Variants in RPS6KA2 observed in about 807,000 individuals in gnomAD.
RPS6KA2 encodes ribosomal protein S6 kinase alpha-2.
A neutral mutation model predicts 91.8 loss-of-function variants in RPS6KA2; 42 were observed. The ratio of observed to expected loss-of-function variants is 0.46; its 90% CI spans 0.36 to 0.59. RPS6KA2 has a LOEUF of 0.59. RPS6KA2 is among the 20% of genes least tolerant of loss of function. RPS6KA2 has a pLI of 0.00. For missense variants in RPS6KA2, 798 were observed against 978.5 expected, an observed-to-expected ratio of 0.82 and a Z score of 2.46; for synonymous variants, 414 against 393.6, an observed-to-expected ratio of 1.05 and a Z score of -0.61.
rs371580177 is a variant in RPS6KA2, at chr6:166,852,712, C to T, written c.123+5488G>A. Among the ~76,000 whole-genome samples the T allele has an allele frequency of 2.0e-5, 3 of 152,226 alleles. No individual in the cohort carries two copies. Among genetic ancestry groups the T allele is most frequent in the Admixed American group, 6.5e-5 (1 of 15,302 alleles). Reference sequence around the variant, plus strand: ...GGCATTGGAGGAGGCCACGCTGACACGCTCAGGAGCTCATCCCTGAGCGCC... The same window carrying T: ...GGCATTGGAGGAGGCCACGCTGACATGCTCAGGAGCTCATCCCTGAGCGCC... On this transcript the variant is annotated intron_variant, in intron 2 of 21. Coordinates refer to the RPS6KA2 transcript ENST00000503859. The surrounding 1 kb of genome is among the most constrained non-coding windows in gnomAD (Gnocchi z 4.1).
intron 15 of RPS6KA2, 30 bp downstream of exon 15, chr6:166,432,371 T>G: frequency 6.3e-6 from 9 of 1,420,826 alleles, no homozygotes; most frequent in Non-Finnish European, 8.9e-6. Flanking sequence ...CAGAAGGAAG[T>G]GGAGATGCTG....
chr6:166,824,223 A>G (rs1226584925), intron 2 of RPS6KA2, among the ~76,000 whole-genome samples: 1 of 152,212 alleles, frequency 6.6e-6, no homozygotes, highest in Non-Finnish European at 1.5e-5. Flanking sequence ...ATAGCAAATG[A>G]ATGAATGAAG....
chr6:166,577,905 T>C (rs992033067), intron 1 of RPS6KA2, among the ~76,000 whole-genome samples: 5 of 152,194 alleles, frequency 3.3e-5, no homozygotes, highest in African/African-American at 1.2e-4. Context: ...AGGGACCTGA[T>C]GGGAGATAAT....
chr6:166,644,301 T>C (rs1787537639), intron 2 of RPS6KA2, among the ~76,000 whole-genome samples: 1 of 152,144 alleles, frequency 6.6e-6, no homozygotes, highest in African/African-American at 2.4e-5. Flanking sequence ...AGATGTTATA[T>C]TCACAATGGT....
At chr6:166,674,103 A>G (rs1223433308) in intron 2 of RPS6KA2, among the ~76,000 whole-genome samples, 1 of 152,196 alleles carries the variant, frequency 6.6e-6, no homozygotes, top group African/African-American at 2.4e-5. Flanking sequence ...GTGTACTGGT[A>G]CTCTTAGAGC....
chr6:166,771,039 T>A, intron 2 of RPS6KA2: 2 of 695,554 alleles, frequency 2.9e-6, no homozygotes, highest in Non-Finnish European at 4.6e-6. Flanking sequence ...TTCTAAACAT[T>A]AATCTCCACA....
intron 2 of RPS6KA2, among the ~76,000 whole-genome samples, chr6:166,725,030 T>C (rs567741641): frequency 1.3e-5 from 2 of 152,276 alleles, no homozygotes; most frequent in East Asian, 3.9e-4. Flanking sequence ...CACCTCATCT[T>C]CCACTGTTCT....
intron 14 of RPS6KA2, among the ~76,000 whole-genome samples, chr6:166,442,209 T>A (rs1779540432): frequency 1.3e-5 from 2 of 152,244 alleles, no homozygotes; most frequent in African/African-American, 4.8e-5. Flanking sequence ...AGCCCAGCCT[T>A]ACTGCCCAGC....
At chr6:166,527,642 A>G (rs967276138) in intron 3 of RPS6KA2, among the ~76,000 whole-genome samples, 3 of 152,198 alleles carry the variant, frequency 2.0e-5, no homozygotes, top group East Asian at 3.8e-4. Context: ...AGAGTTGTGT[A>G]CCATCGGTGG....
chr6:166,448,950 G>A lies in RPS6KA2; in HGVS notation c.1207-101C>T. The stretch of plus-strand genomic sequence containing the variant: ...TGTGGGGCGAAGAGAGGCACCGACT[G>A]TGAACTGAGTGTGTGGAGGCCTGGG... On this transcript the variant is annotated intron_variant, in intron 13 of 20. Coordinates refer to ENST00000265678, the MANE Select transcript of RPS6KA2 (RefSeq NM_021135.6). This position sits in a 1 kb window ranked among gnomAD's most constrained non-coding sequence, Gnocchi z 4.7. 4 of 1,410,098 alleles carry A rather than the reference G, an allele frequency of 2.8e-6. No individual in the cohort carries two copies. In the South Asian group the frequency reaches 3.9e-5, roughly 14 times the overall value. The allele number at this position is 1,410,098 out of a possible 1,614,324, so 87.3% of individuals were successfully genotyped here. A position where few individuals can be genotyped will look rare whatever the true frequency, so the allele number is the denominator to read the frequency against.
At chr6:166,810,709 A>G (rs1203146350) in intron 2 of RPS6KA2, among the ~76,000 whole-genome samples, 1 of 152,224 alleles carries the variant, frequency 6.6e-6, no homozygotes, top group Non-Finnish European at 1.5e-5. Context: ...GGAAAACTTC[A>G]TGGGATCTCC....
chr6:166,688,754 C>G (rs4710080), intron 2 of RPS6KA2, among the ~76,000 whole-genome samples: 1 of 152,134 alleles, frequency 6.6e-6, no homozygotes, highest in Admixed American at 6.5e-5. Context: ...CAACAGAAAC[C>G]CCGCATGGGG....
chr6:166,685,870 A>G lies in RPS6KA2; in HGVS notation c.124-147086T>C, dbSNP rs548015922. 3.9e-5 allele frequency among the ~76,000 whole-genome samples: 6 copies of G among 152,160 alleles called. No homozygotes were observed. In the South Asian group the frequency reaches 1.2e-3, roughly 32 times the overall value. ...CCTCTATCTCCATGGTATCTACATC[A>G]CTGCTTTTAACTCCTACCATCGAGT... On this transcript the variant is annotated intron_variant, in intron 2 of 21. Coordinates refer to the RPS6KA2 transcript ENST00000503859.
chr6:166,559,790 A>C (rs1784286033), intron 1 of RPS6KA2, among the ~76,000 whole-genome samples: 1 of 152,250 alleles, frequency 6.6e-6, no homozygotes. Flanking sequence ...TGTACAGAAA[A>C]GTCTAGGCAA....
chr6:166,676,046 T>A (rs1183323486), intron 2 of RPS6KA2, among the ~76,000 whole-genome samples: 1 of 151,894 alleles, frequency 6.6e-6, no homozygotes, highest in Non-Finnish European at 1.5e-5. Flanking sequence ...CCGGGTGCGG[T>A]GGCTCATACC....
chr6:166,663,647 T>C (rs550771668), intron 2 of RPS6KA2, among the ~76,000 whole-genome samples: 10 of 152,236 alleles, frequency 6.6e-5, no homozygotes, highest in African/African-American at 2.4e-4. Context: ...TCTAAGAACA[T>C]GCAACAGGGG....
At chr6:166,427,465 G>C (rs886491272) in intron 16 of RPS6KA2, among the ~76,000 whole-genome samples, 10 of 151,710 alleles carry the variant, frequency 6.6e-5, no homozygotes, top group African/African-American at 2.4e-4. Context: ...AATTAGGCAG[G>C]AGAAGGAAAT....
At chr6:166,511,096 G>A (rs1583224289) in intron 3 of RPS6KA2, among the ~76,000 whole-genome samples, 1 of 152,300 alleles carries the variant, frequency 6.6e-6, no homozygotes, top group East Asian at 1.9e-4. Flanking sequence ...CTCAGATCAG[G>A]GGGTGCCTGC....
At chr6:166,771,626 C>G (rs1457107273) in intron 2 of RPS6KA2, among the ~76,000 whole-genome samples, 14 of 152,222 alleles carry the variant, frequency 9.2e-5, no homozygotes, top group African/African-American at 3.4e-4. Flanking sequence ...TGCCACATTT[C>G]TCTTCTGTTC....
Sources: gnomAD v4.1 joint callset for allele counts (sites outside exome capture counted in the v4.1 genomes callset) on GRCh38, gnomAD v4.1.1 for gene constraint, Gnocchi (gnomAD v3.1) non-coding constraint, MANE v1.5 for transcripts, NCBI Gene and HGNC (gene_info 2026-07-23, HGNC 2026-07-21) for gene names.